The following HEPH variants were observed in gnomAD, a reference collection of about 807,000 sequenced individuals.
HEPH encodes the protein hephaestin.
A neutral mutation model predicts 80.8 loss-of-function variants in HEPH; 69 were observed. The ratio of observed to expected loss-of-function variants is 0.85; its 90% CI spans 0.70 to 1.04. HEPH has a LOEUF of 1.04. Ranked by LOEUF, HEPH falls within the 50% of genes least tolerant of loss-of-function variation. The pLI is 0.00. For synonymous variants in HEPH, 431 were observed against 322.8 expected (o/e 1.34, Z -3.60); for missense variants, 1,115 against 891.3 (o/e 1.25, Z -3.20).
At position 66,231,514 on chromosome X, in the gene HEPH, TA is replaced by T. The variant is rs2090140807; in HGVS notation, c.2563+23269del. Among the ~76,000 whole-genome samples the T allele has an allele frequency of 2.7e-5, 3 of 110,406 alleles. No homozygotes were observed. The South Asian group carries it at 1.2e-3, about 43-fold the overall frequency. ...TCACATCCCTTGTATGTTGGATTCC[TA>T]GGTATTTTATTTTCTTTGAAGCAAT... On this transcript the variant is annotated intron_variant, in intron 15 of 20. Transcript: ENST00000343002.
chrX:66,171,438 G>A (rs1180316887), intron 2 of HEPH, among the ~76,000 whole-genome samples: 2 of 112,026 alleles, frequency 1.8e-5, no homozygotes, highest in Non-Finnish European at 3.8e-5. Context: ...GATCCCACAG[G>A]ATTAACCTTT....
In HEPH at chrX:66,172,658, G is replaced by A. The variant is rs780171613; in HGVS notation, c.412+59G>A. 2.2e-5 allele frequency: 23 copies of A among 1,054,459 alleles called. 1 individual carries two copies. The Admixed American group carries it at 3.5e-4, about 16-fold the overall frequency. The allele number at this position is 1,054,459 out of a possible 1,213,427, so 86.9% of individuals were successfully genotyped here. On this transcript the variant is annotated intron_variant, in intron 3 of 20. Coordinates refer to ENST00000343002, the MANE Select transcript of HEPH (RefSeq NM_001367233.3). Reference sequence around the variant, plus strand: ...CAACAAATATCACTTTTCCTTTATTGCCAGGTGAAGGAGAAGAACTGGTAG... The same window carrying A: ...CAACAAATATCACTTTTCCTTTATTACCAGGTGAAGGAGAAGAACTGGTAG...
chrX:66,170,300 A>G, intron 1 of HEPH: 1 of 273,230 alleles, frequency 3.7e-6, no homozygotes, highest in South Asian at 1.0e-4. Flanking sequence ...AAAAAACTGG[A>G]TCCAGATCTC....
rs1237204852 is a variant in HEPH at position 66,197,727 on chromosome X, A to G, written c.1546A>G (p.Thr516Ala). ...GGTTGCCAAGCCCTTTGAGAAAGTA[A>G]CATACCGCTGGACAGTCCCCCCTCA... ...GLVAKPFEKV[T>A]YRWTVPPHAG... Residue 516 changes from threonine to alanine, a missense_variant, in exon 10 of 21, where the codon ACA becomes GCA. Transcript: ENST00000343002. 8.3e-7 allele frequency: 1 copy of G among 1,211,409 alleles called. No individual in the cohort carries two copies. The highest frequency in any genetic ancestry group is 1.8e-5 in the South Asian group (1 of 56,990).
chrX:66,203,016 G>T (rs1053980828), intron 12 of HEPH, among the ~76,000 whole-genome samples: 1 of 105,254 alleles, frequency 9.5e-6, no homozygotes, highest in African/African-American at 3.5e-5. Context: ...GAAAGATAGG[G>T]TTACCAACCA....
chrX:66,253,759 A>G (rs1483339067), intron 15 of HEPH, among the ~76,000 whole-genome samples: 2 of 112,550 alleles, frequency 1.8e-5, no homozygotes, highest in Non-Finnish European at 1.9e-5. Context: ...TTATTTGGCA[A>G]TAAACACAAC....
At chrX:66,236,374 T>C (rs1337705709) in intron 15 of HEPH, among the ~76,000 whole-genome samples, 1 of 111,945 alleles carries the variant, frequency 8.9e-6, no homozygotes, top group African/African-American at 3.2e-5. Flanking sequence ...GTGATAATCA[T>C]GTGGTTTTTG....
rs1274282400 is a variant in HEPH, at chrX:66,208,242, G to C, written c.2559G>C (p.Glu853Asp). The change falls in exon 15 of 21, where the codon GAG becomes GAC. Residue 853 changes from glutamate to aspartate, a missense_variant. By Grantham distance (45) the Glu-to-Asp change is conservative. Around this residue, in one of 3 missense-constraint regions of HEPH, gnomAD observed 716 missense variants for 523.5 expected, o/e 1.37. Coordinates refer to ENST00000343002, the MANE Select transcript of HEPH (RefSeq NM_001367233.3). ...ESTTVWPLAA[E>D]PGEVVTYQWN... ...CTACTGTCTGGCCACTGGCTGCTGA[G>C]CCTGGTGAGTGGGGACACTTAGTGA... 1 of 1,207,498 alleles carries C rather than the reference G, an allele frequency of 8.3e-7. No homozygotes were observed. The highest frequency in any genetic ancestry group is 2.2e-5 in the Admixed American group (1 of 45,732).
At position 66,200,717 on chromosome X, in the gene HEPH, C is replaced by A. The variant is rs1268453639; in HGVS notation, c.2042C>A (p.Thr681Asn). 2 of 1,211,150 alleles carry A rather than the reference C, an allele frequency of 1.7e-6. No homozygotes were observed. Among genetic ancestry groups the A allele is most frequent in the African/African-American group, 1.7e-5 (1 of 57,729 alleles). The change falls in exon 12 of 21, where the codon ACC becomes AAC. Residue 681 changes from threonine (T) to asparagine (N), a missense_variant. Physicochemically the swap from Thr to Asn is moderately conservative, Grantham distance 65. This residue lies in a region of HEPH where 716 missense variants were observed against 523.5 expected (regional missense o/e 1.37). Coordinates refer to ENST00000343002, the MANE Select transcript of HEPH (RefSeq NM_001367233.3). Reference protein sequence around the residue: ...RKGAAMLFPHTFVMAIMQPDN... With the variant: ...RKGAAMLFPHNFVMAIMQPDN... ...GGTGCAGCTATGCTCTTTCCTCATACCTTTGTCATGGCCATCATGCAGCCT... is the reference window on the plus strand; with the variant it reads ...GGTGCAGCTATGCTCTTTCCTCATAACTTTGTCATGGCCATCATGCAGCCT...
chrX:66,228,668 T>A (rs1372671623), intron 15 of HEPH, among the ~76,000 whole-genome samples: 1 of 111,223 alleles, frequency 9.0e-6, no homozygotes, highest in Non-Finnish European at 1.9e-5. Flanking sequence ...TACAAGGAAC[T>A]CAAACAAATC....
chrX:66,257,358 G>T (rs184695965), intron 17 of HEPH, among the ~76,000 whole-genome samples: 1 of 111,868 alleles, frequency 8.9e-6, no homozygotes, highest in Admixed American at 9.5e-5. Flanking sequence ...GATCGAGCAG[G>T]TATTTGTTAA....
At chrX:66,215,625 A>G (rs1291828133) in intron 15 of HEPH, among the ~76,000 whole-genome samples, 1 of 112,090 alleles carries the variant, frequency 8.9e-6, no homozygotes, top group African/African-American at 3.2e-5. Flanking sequence ...AAAATGGTGG[A>G]TAGGAAGACT....
At chrX:66,165,568 T>C (rs748341116) in intron 1 of HEPH, among the ~76,000 whole-genome samples, 14 of 111,206 alleles carry the variant, frequency 1.3e-4, no homozygotes, top group Non-Finnish European at 2.1e-4. Flanking sequence ...AGGAACAGTT[T>C]GCAAATTCTA....
chrX:66,248,960 T>C (rs755030909), intron 15 of HEPH, among the ~76,000 whole-genome samples: 2 of 111,731 alleles, frequency 1.8e-5, no homozygotes, highest in Admixed American at 9.5e-5. Flanking sequence ...TATTCATATC[T>C]AAGTAAAGGC....
intron 19 of HEPH, among the ~76,000 whole-genome samples, chrX:66,261,273 C>A (rs2091352993): frequency 8.9e-6 from 1 of 111,968 alleles, no homozygotes. Context: ...TACAGCTTAT[C>A]TGAGTTACTA....
At chrX:66,208,646 A>G (rs2088942844) in intron 15 of HEPH, among the ~76,000 whole-genome samples, 1 of 63,914 alleles carries the variant, frequency 1.6e-5, no homozygotes, top group African/African-American at 1.0e-4. Flanking sequence ...ATATATATAT[A>G]TATATATATA....
intron 15 of HEPH, among the ~76,000 whole-genome samples, chrX:66,236,085 C>G (rs139516053): frequency 6.1e-4 from 68 of 111,667 alleles, no homozygotes; most frequent in African/African-American, 2.2e-3. Context: ...TCTTCCTATT[C>G]ATATTCCCTT....
intron 15 of HEPH, among the ~76,000 whole-genome samples, chrX:66,238,543 AAAAC>A (rs895686464): frequency 2.1e-4 from 23 of 111,345 alleles, no homozygotes; most frequent in Admixed American, 8.6e-4. Flanking sequence ...AGACCCTGTC[AAAAC>A]AAACAAACAA....
intron 15 of HEPH, among the ~76,000 whole-genome samples, chrX:66,221,643 A>AT (rs1382878763): frequency 8.9e-6 from 1 of 112,307 alleles, no homozygotes; most frequent in Non-Finnish European, 1.9e-5. Context: ...TCCAACTGCC[A>AT]TTTTTTTCTC....
Sources: gnomAD v4.1 joint callset for allele counts (sites outside exome capture counted in the v4.1 genomes callset) on GRCh38, gnomAD v4.1.1 for gene constraint, gnomAD v4.1.1 regional missense constraint, MANE v1.5 for transcripts, NCBI Gene and HGNC (gene_info 2026-07-23, HGNC 2026-07-21) for gene names.